Variants in CHST11 observed in about 807,000 individuals in gnomAD.
CHST11 encodes C4S-1.
Under a neutral mutation model 30.4 loss-of-function variants are expected in CHST11, and 9 were observed. The observed-to-expected ratio is 0.30, with a 90% CI of 0.18 to 0.52. The LOEUF is 0.52. Among genes scored for constraint, CHST11 ranks in the 20% least tolerant of loss-of-function variants. CHST11 has a pLI of 0.97. For synonymous variants in CHST11, 152 were observed against 187.8 expected (o/e 0.81, Z 1.56); for missense variants, 348 against 460.6 (o/e 0.76, Z 2.24).
At chr12:104,756,532 G>GTGTGT (rs1555250377) in intron 2 of CHST11, among the ~76,000 whole-genome samples, 2,251 of 143,388 alleles carry the variant, frequency 0.016, 22 homozygotes, top group East Asian at 0.05. Context: ...ATCCATGTGG[G>GTGTGT]GTGTGTGTGT....
At chr12:104,754,051 G>T (rs1404923150) in intron 2 of CHST11, among the ~76,000 whole-genome samples, 3 of 152,188 alleles carry the variant, frequency 2.0e-5, no homozygotes, top group African/African-American at 7.2e-5. Context: ...TTTATAGTGG[G>T]GATAAATTTG....
At chr12:104,467,421 G>T (rs1258692027) in intron 1 of CHST11, among the ~76,000 whole-genome samples, 1 of 152,212 alleles carries the variant, frequency 6.6e-6, no homozygotes, top group African/African-American at 2.4e-5. Flanking sequence ...GACTAGACCT[G>T]CCTTGAATGT....
At chr12:104,561,658 A>G (rs2038514279) in intron 1 of CHST11, among the ~76,000 whole-genome samples, 2 of 152,156 alleles carry the variant, frequency 1.3e-5, no homozygotes, top group African/African-American at 4.8e-5. Flanking sequence ...ATGGAAAACA[A>G]CGCCCTGTAT....
intron 2 of CHST11, among the ~76,000 whole-genome samples, chr12:104,724,777 T>A (rs2040204318): frequency 6.6e-6 from 1 of 152,188 alleles, no homozygotes; most frequent in Non-Finnish European, 1.5e-5. Flanking sequence ...ATACACACGT[T>A]AGAGTAAGAT....
intron 1 of CHST11, among the ~76,000 whole-genome samples, chr12:104,475,913 G>A (rs924212714): frequency 1.4e-5 from 2 of 142,524 alleles, no homozygotes; most frequent in Non-Finnish European, 3.0e-5. Flanking sequence ...ATATATATAT[G>A]ACTTTTTTTT....
chr12:104,484,730 G>A (rs1008235428), intron 1 of CHST11, among the ~76,000 whole-genome samples: 6 of 152,188 alleles, frequency 3.9e-5, no homozygotes, highest in African/African-American at 1.2e-4. Context: ...TAACAATGGC[G>A]TTAAGTTATA....
chr12:104,575,831 T>C (rs975343103), intron 1 of CHST11, among the ~76,000 whole-genome samples: 2 of 152,022 alleles, frequency 1.3e-5, no homozygotes, highest in African/African-American at 4.8e-5. Context: ...TGCTCAGAAA[T>C]TGCTTATCGG....
chr12:104,523,393 A>T (rs1383210160), intron 1 of CHST11, among the ~76,000 whole-genome samples: 2 of 152,190 alleles, frequency 1.3e-5, no homozygotes, highest in African/African-American at 4.8e-5. Flanking sequence ...TGTCATATAG[A>T]TGGGATCTGT....
chr12:104,702,497 C>A (rs1197319579), intron 2 of CHST11, among the ~76,000 whole-genome samples: 1 of 151,934 alleles, frequency 6.6e-6, no homozygotes, highest in Non-Finnish European at 1.5e-5. Context: ...AGGACTGCAC[C>A]CAGCTGATTC....
rs560982261 is a variant in CHST11 at position 104,601,911 on chromosome 12, C to T, written c.124C>T (p.Arg42Trp). ...YFQSMLHPVM[R>W]RNPFGVDICC... ...CCTTCACTTTCTTTCCTCAGTCATG[C>T]GGAGGAATCCCTTTGGTGTGGACAT... The change falls in exon 2 of 3, where the codon CGG becomes TGG. Residue 42 changes from arginine to tryptophan, a missense_variant. By Grantham distance (101) the Arg-to-Trp change is moderately radical (BLOSUM62 -3). This residue lies in a region of CHST11 where 135 missense variants were observed against 155.8 expected (regional missense o/e 0.87). Transcript: ENST00000303694. 2.2e-5 allele frequency: 36 copies of T among 1,613,048 alleles called. No individual in the cohort carries two copies. The highest frequency in any genetic ancestry group is 1.6e-4 in the East Asian group (7 of 44,862).
At chr12:104,491,537 T>G (rs2037746388) in intron 1 of CHST11, among the ~76,000 whole-genome samples, 2 of 151,880 alleles carry the variant, frequency 1.3e-5, no homozygotes, top group African/African-American at 4.8e-5. Flanking sequence ...GGTATGATCT[T>G]GGCTCACAGC....
chr12:104,589,643 G>A (rs1195083869), intron 1 of CHST11, among the ~76,000 whole-genome samples: 2 of 152,178 alleles, frequency 1.3e-5, no homozygotes, highest in Non-Finnish European at 2.9e-5. Flanking sequence ...CAAAACTGCA[G>A]TTGTATTATT....
At chr12:104,500,617 C>T (rs2037844474) in intron 1 of CHST11, among the ~76,000 whole-genome samples, 1 of 152,158 alleles carries the variant, frequency 6.6e-6, no homozygotes, top group East Asian at 1.9e-4. Context: ...GAACACAGTG[C>T]TCTGATAATG....
intron 2 of CHST11, among the ~76,000 whole-genome samples, chr12:104,692,768 T>C (rs750244427): frequency 3.9e-5 from 6 of 152,062 alleles, no homozygotes; most frequent in Non-Finnish European, 7.4e-5. Flanking sequence ...GAATTGCATA[T>C]GCAAGGATCT....
intron 1 of CHST11, among the ~76,000 whole-genome samples, chr12:104,486,255 C>T (rs778115938): frequency 2.0e-5 from 3 of 151,580 alleles, no homozygotes; most frequent in Non-Finnish European, 4.4e-5. Flanking sequence ...GGGCAGTCTT[C>T]CTGCTTCACT....
At chr12:104,468,065 G>A (rs2037474891) in intron 1 of CHST11, among the ~76,000 whole-genome samples, 1 of 151,512 alleles carries the variant, frequency 6.6e-6, no homozygotes, top group South Asian at 2.1e-4. Context: ...TAGTGGGGGA[G>A]ACACAATAAC....
chr12:104,510,598 T>G (rs935143393), intron 1 of CHST11, among the ~76,000 whole-genome samples: 2 of 152,238 alleles, frequency 1.3e-5, no homozygotes, highest in African/African-American at 2.4e-5. Flanking sequence ...ATTCAGTGAC[T>G]GCAGCAAAAC....
At chr12:104,538,926 C>T (rs930227844) in intron 1 of CHST11, among the ~76,000 whole-genome samples, 2 of 152,168 alleles carry the variant, frequency 1.3e-5, no homozygotes, top group African/African-American at 2.4e-5. Flanking sequence ...CTGCATTCAA[C>T]ATATGCCAAC....
chr12:104,605,578 C>CA (rs796425998), intron 2 of CHST11, among the ~76,000 whole-genome samples: 25 of 151,792 alleles, frequency 1.6e-4, no homozygotes, highest in Non-Finnish European at 3.5e-4. Flanking sequence ...GACTCCGTCT[C>CA]AAAAAAATAA....
Sources: gnomAD v4.1 joint callset for allele counts (sites outside exome capture counted in the v4.1 genomes callset) on GRCh38, gnomAD v4.1.1 for gene constraint, gnomAD v4.1.1 regional missense constraint, MANE v1.5 for transcripts, NCBI Gene and HGNC (gene_info 2026-07-23, HGNC 2026-07-21) for gene names.